The following PARD3B variants were observed in gnomAD, a reference collection of about 807,000 sequenced individuals.
PARD3B encodes the protein par-3 family cell polarity regulator beta, also known as partitioning defective 3 homolog B.
A neutral mutation model predicts 130.2 loss-of-function variants in PARD3B; 103 were observed. The observed-to-expected ratio is 0.79, with a 90% CI of 0.67 to 0.93. The LOEUF is 0.93. PARD3B is among the 40% of genes least tolerant of loss of function. The pLI, the probability that PARD3B is intolerant of heterozygous loss-of-function variation, is 0.00. For missense variants in PARD3B, 1,609 were observed against 1,499.2 expected (o/e 1.07, Z -1.21); for synonymous variants, 583 against 553.2 (o/e 1.05, Z -0.76).
At chr2:205,074,680 T>C (rs1700936565) in intron 4 of PARD3B, among the ~76,000 whole-genome samples, 1 of 152,180 alleles carries the variant, frequency 6.6e-6, no homozygotes, top group Non-Finnish European at 1.5e-5. Flanking sequence ...TCGATCATTG[T>C]GCATCGCAAA....
At chr2:205,020,053 A>T (rs1559360842) in intron 3 of PARD3B, among the ~76,000 whole-genome samples, 1 of 152,038 alleles carries the variant, frequency 6.6e-6, no homozygotes, top group Admixed American at 6.6e-5. Flanking sequence ...TGGATTGGGG[A>T]TATTCACTCT....
intron 1 of PARD3B, among the ~76,000 whole-genome samples, chr2:204,547,290 C>A (rs148410017): frequency 6.0e-4 from 92 of 152,260 alleles, no homozygotes; most frequent in African/African-American, 2.1e-3. Flanking sequence ...AAATTCAGCT[C>A]TGGACAGATA....
chr2:204,791,970 G>A (rs2125477741), intron 2 of PARD3B, among the ~76,000 whole-genome samples: 1 of 152,228 alleles, frequency 6.6e-6, no homozygotes, highest in South Asian at 2.1e-4. Context: ...GATAATCGTT[G>A]GTGGTACCTT....
chr2:204,729,998 A>AAC (rs3036396), intron 2 of PARD3B, among the ~76,000 whole-genome samples: 25,726 of 141,194 alleles, frequency 0.18, 2,302 homozygotes, highest in South Asian at 0.27. Flanking sequence ...CACACACACA[A>AAC]ACACACACAC....
At chr2:205,098,042 G>A (rs953664109) in intron 4 of PARD3B, among the ~76,000 whole-genome samples, 11 of 152,180 alleles carry the variant, frequency 7.2e-5, no homozygotes, top group African/African-American at 2.6e-4. Flanking sequence ...ATCAAATACA[G>A]TTTGTTTTAC....
Position 205,564,730 on chromosome 2 carries a change from A to G in PARD3B, c.3260+11327A>G, listed in dbSNP as rs559311709. 5.9e-5 allele frequency among the ~76,000 whole-genome samples: 9 copies of G among 152,308 alleles called. No individual in the cohort carries two copies. The highest frequency in any genetic ancestry group is 1.2e-4 in the Non-Finnish European group (8 of 68,030). The stretch of plus-strand genomic sequence containing the variant: ...ATCTGTGCCCTGGATCTCATGTGAC[A>G]CAGGCCCCACGACCTCGATCATTCT... On this transcript the variant is annotated intron_variant, in intron 22 of 22. Transcript: ENST00000406610. The surrounding 1 kb of genome is among the most constrained non-coding windows in gnomAD (Gnocchi z 4.6).
At chr2:204,717,646 A>T (rs1274997067) in intron 2 of PARD3B, among the ~76,000 whole-genome samples, 4 of 152,228 alleles carry the variant, frequency 2.6e-5, no homozygotes, top group Non-Finnish European at 5.9e-5. Context: ...TGAGAACTGC[A>T]GTGAGAGCCA....
At chr2:204,757,081 A>G (rs2125400374) in intron 2 of PARD3B, among the ~76,000 whole-genome samples, 1 of 152,274 alleles carries the variant, frequency 6.6e-6, no homozygotes, top group South Asian at 2.1e-4. Context: ...TGTTGCTGCA[A>G]AGGACATCAT....
chr2:205,523,912 A>C (rs1002809029), intron 21 of PARD3B, among the ~76,000 whole-genome samples: 4 of 151,560 alleles, frequency 2.6e-5, no homozygotes, highest in Admixed American at 2.6e-4. Flanking sequence ...TTTATATATA[A>C]ATCTAAATAC....
intron 19 of PARD3B, among the ~76,000 whole-genome samples, chr2:205,434,979 C>G (rs763427971): frequency 6.6e-6 from 1 of 151,904 alleles, no homozygotes; most frequent in Non-Finnish European, 1.5e-5. Flanking sequence ...TTGCATGATG[C>G]GTTCACTAAA....
chr2:204,813,338 AGTTT>A (rs1267951044), intron 2 of PARD3B, among the ~76,000 whole-genome samples: 3 of 152,012 alleles, frequency 2.0e-5, no homozygotes, highest in South Asian at 4.1e-4. Flanking sequence ...TTTGGTAAAG[AGTTT>A]GTTTAAAATT....
intron 16 of PARD3B, among the ~76,000 whole-genome samples, chr2:205,256,475 T>C (rs2040090541): frequency 6.6e-6 from 1 of 152,206 alleles, no homozygotes; most frequent in African/African-American, 2.4e-5. Flanking sequence ...TACCATGTGC[T>C]TATGTATAAA....
intron 19 of PARD3B, among the ~76,000 whole-genome samples, chr2:205,417,407 T>C (rs1310923936): frequency 1.3e-5 from 2 of 152,152 alleles, no homozygotes; most frequent in African/African-American, 4.8e-5. Context: ...CATGTGTCTT[T>C]ATAGCAGCAT....
Position 204,924,810 on chromosome 2 carries a change from G to A in PARD3B, c.223-40342G>A, listed in dbSNP as rs376916562. ...AATGCAAGTGATATATGTAAGTGCCGAATTGGATTCACAGTAATGGAATGA... is the reference window on the plus strand; with the variant it reads ...AATGCAAGTGATATATGTAAGTGCCAAATTGGATTCACAGTAATGGAATGA... On this transcript the variant is annotated intron_variant, in intron 2 of 22. Transcript: ENST00000406610. Among the ~76,000 whole-genome samples, 12 of 152,134 alleles carry A rather than the reference G, an allele frequency of 7.9e-5. No individual in the cohort carries two copies. In the South Asian group the frequency reaches 1.7e-3, roughly 21 times the overall value.
At position 205,473,540 on chromosome 2, in the gene PARD3B, T is replaced by C. The variant is rs1391623649; in HGVS notation, c.3045-26356T>C. Among the ~76,000 whole-genome samples the C allele has an allele frequency of 1.3e-5, 2 of 151,676 alleles. No individual in the cohort carries two copies. The highest frequency in any genetic ancestry group is 2.9e-5 in the Non-Finnish European group (2 of 67,866). On this transcript the variant is annotated intron_variant, in intron 20 of 22. Coordinates refer to ENST00000406610, the MANE Select transcript of PARD3B (RefSeq NM_001302769.2). This position sits in a 1 kb window ranked among gnomAD's most constrained non-coding sequence, Gnocchi z 4.9. ...CAGTAGGGCACGTTTCACTCATTAA[T>C]ATGGGTGATATCTTACATTGTTGGA...
At position 205,203,943 on chromosome 2, in the gene PARD3B, T is replaced by C. The variant is rs574544429; in HGVS notation, c.2140+10623T>C. 8.9e-4 allele frequency among the ~76,000 whole-genome samples: 135 copies of C among 152,326 alleles called. 1 individual carries two copies. The highest frequency in any genetic ancestry group is 2.9e-3 in the African/African-American group (119 of 41,566). On this transcript the variant is annotated intron_variant, in intron 15 of 22. Coordinates refer to ENST00000406610, the MANE Select transcript of PARD3B (RefSeq NM_001302769.2). The stretch of plus-strand genomic sequence containing the variant: ...TACATGTCTCTTCAGAGTAGCATGA[T>C]TTATAATCCTTTGGGTATATACCCA...
intron 21 of PARD3B, among the ~76,000 whole-genome samples, chr2:205,529,625 T>C (rs972811560): frequency 6.6e-6 from 1 of 152,212 alleles, no homozygotes; most frequent in African/African-American, 2.4e-5. Context: ...TGATTGATTA[T>C]ACTTCACTTT....
intron 2 of PARD3B, among the ~76,000 whole-genome samples, chr2:204,795,887 G>T (rs557494365): frequency 1.3e-5 from 2 of 152,092 alleles, no homozygotes; most frequent in South Asian, 4.1e-4. Context: ...GAAAGATTGT[G>T]TATAACATAT....
intron 21 of PARD3B, among the ~76,000 whole-genome samples, chr2:205,536,457 G>A (rs2051863594): frequency 6.6e-6 from 1 of 152,112 alleles, no homozygotes; most frequent in African/African-American, 2.4e-5. Flanking sequence ...CTCTTTGGAT[G>A]GGTTGTTCCC....
Sources: gnomAD v4.1 joint callset for allele counts (sites outside exome capture counted in the v4.1 genomes callset) on GRCh38, gnomAD v4.1.1 for gene constraint, Gnocchi (gnomAD v3.1) non-coding constraint, MANE v1.5 for transcripts, NCBI Gene and HGNC (gene_info 2026-07-23, HGNC 2026-07-21) for gene names.